The following CNIH3 variants were observed in gnomAD, a reference collection of about 807,000 sequenced individuals.
CNIH3 encodes the protein cornichon family AMPA receptor auxiliary protein 3.
In CNIH3, 14 loss-of-function variants were observed where a neutral mutation model predicts 24.1. The ratio of observed to expected loss-of-function variants is 0.58; its 90% confidence interval spans 0.38 to 0.91. The LOEUF (loss-of-function observed/expected upper bound fraction) is 0.91, where lower values mean the gene tolerates loss of function less well. CNIH3 is among the 40% of genes least tolerant of loss of function. CNIH3 has a pLI of 0.00. For missense variants in CNIH3, 178 were observed against 196.8 expected, an observed-to-expected ratio of 0.90 and a Z score of 0.57; for synonymous variants, 68 against 73.8, an observed-to-expected ratio of 0.92 and a Z score of 0.40.
intron 3 of CNIH3, among the ~76,000 whole-genome samples, chr1:224,706,992 C>T (rs1156472146): frequency 9.8e-6 from 1 of 101,810 alleles, no homozygotes; most frequent in Admixed American, 1.6e-4. Context: ...GAGACAGAGT[C>T]TTGCTCTGTC....
At chr1:224,719,778 A>G (rs1387568399) in intron 3 of CNIH3, among the ~76,000 whole-genome samples, 10 of 152,224 alleles carry the variant, frequency 6.6e-5, no homozygotes, top group Non-Finnish European at 1.5e-4. Flanking sequence ...TTAATCTACT[A>G]CTATTTTCAC....
At chr1:224,609,554 G>C (rs773204552) in intron 3 of CNIH3, among the ~76,000 whole-genome samples, 1 of 152,216 alleles carries the variant, frequency 6.6e-6, no homozygotes, top group Non-Finnish European at 1.5e-5. Flanking sequence ...ACAGGGCTTG[G>C]CTGGGAAGCA....
downstream of CNIH3, among the ~76,000 whole-genome samples, chr1:224,538,956 A>G (rs1485450320): frequency 4.7e-5 from 7 of 149,764 alleles, no homozygotes; most frequent in South Asian, 2.1e-4. Context: ...GCATAAGCCT[A>G]TTATGCCCAG....
chr1:224,567,488 C>T (rs1680627869), intron 4 of CNIH3, among the ~76,000 whole-genome samples: 1 of 152,186 alleles, frequency 6.6e-6, no homozygotes, highest in African/African-American at 2.4e-5. Flanking sequence ...AGAAGATACC[C>T]CAAGAGCAGG....
At chr1:224,601,737 A>T (rs1682219745) in intron 3 of CNIH3, among the ~76,000 whole-genome samples, 1 of 152,222 alleles carries the variant, frequency 6.6e-6, no homozygotes, top group Non-Finnish European at 1.5e-5. Flanking sequence ...TGTTTAAGCC[A>T]CCCAGTCTGT....
chr1:224,555,699 A>T (rs1444999539), intron 3 of CNIH3, among the ~76,000 whole-genome samples: 1 of 152,250 alleles, frequency 6.6e-6, no homozygotes, highest in Non-Finnish European at 1.5e-5. Flanking sequence ...GCATAACGTT[A>T]CTTTTGGTAG....
At chr1:224,634,434 T>C (rs1235019990) in intron 1 of CNIH3, among the ~76,000 whole-genome samples, 1 of 152,038 alleles carries the variant, frequency 6.6e-6, no homozygotes, top group Non-Finnish European at 1.5e-5. Flanking sequence ...CTGGGCATGG[T>C]GGCACGCGCC....
At chr1:224,504,009 G>C (rs1343186275) in intron 1 of CNIH3, among the ~76,000 whole-genome samples, 2 of 152,216 alleles carry the variant, frequency 1.3e-5, no homozygotes, top group Non-Finnish European at 2.9e-5. Flanking sequence ...GTTATTAGTG[G>C]AGTTAAATTA....
intron 3 of CNIH3, among the ~76,000 whole-genome samples, chr1:224,688,748 C>G (rs540318887): frequency 1.3e-5 from 2 of 152,050 alleles, no homozygotes; most frequent in Admixed American, 1.3e-4. Context: ...GGTGACCAGC[C>G]TGGCCAACAT....
chr1:224,459,012 G>GCT (rs1278420051), intron 1 of CNIH3, among the ~76,000 whole-genome samples: 1 of 152,218 alleles, frequency 6.6e-6, no homozygotes, highest in Admixed American at 6.5e-5. Context: ...CCAGTGATCA[G>GCT]CTCTCTTAGG....
chr1:224,443,689 A>G lies in CNIH3; in HGVS notation n.203+8827A>G, dbSNP rs2897103. On this transcript the variant is annotated intron_variant and non_coding_transcript_variant, in intron 1 of 5. Transcript: ENST00000471578. ...TAGATAGATAGATAGATAGATATCT[A>G]TAGATATAGATATATATATATATTT... Among the ~76,000 whole-genome samples, 197 of 108,542 alleles carry G rather than the reference A, an allele frequency of 1.8e-3. 2 individuals carry two copies. In the East Asian group the frequency reaches 0.028, roughly 15 times the overall value. The allele number at this position is 108,542 out of a possible 152,430, so 71.2% of individuals were successfully genotyped here.
downstream of CNIH3, among the ~76,000 whole-genome samples, chr1:224,538,724 A>G (rs1358917533): frequency 6.6e-6 from 1 of 150,582 alleles, no homozygotes; most frequent in Admixed American, 6.6e-5. Context: ...TAGTGGTGCA[A>G]TCAGAGCTCA....
At chr1:224,613,677 CGT>C (rs1311327791), upstream of CNIH3, among the ~76,000 whole-genome samples, 3 of 152,106 alleles carry the variant, frequency 2.0e-5, no homozygotes, top group African/African-American at 7.2e-5. Context: ...GTTATTTACA[CGT>C]GTGTGGCACT....
intron 1 of CNIH3, among the ~76,000 whole-genome samples, chr1:224,501,620 G>A (rs1030992278): frequency 2.7e-5 from 4 of 147,680 alleles, no homozygotes; most frequent in African/African-American, 5.0e-5. Context: ...TCGCTCTGTC[G>A]CCCAGGCTGG....
intron 3 of CNIH3, 48 bp from the exon 4 acceptor site, chr1:224,730,414 G>T: frequency 8.2e-7 from 1 of 1,215,456 alleles, no homozygotes; most frequent in South Asian, 1.3e-5. Flanking sequence ...AAGCAGGAGT[G>T]GCGTTTTCCT....
intron 1 of CNIH3, among the ~76,000 whole-genome samples, chr1:224,673,754 C>T (rs1340143686): frequency 6.6e-6 from 1 of 152,150 alleles, no homozygotes; most frequent in Non-Finnish European, 1.5e-5. Flanking sequence ...TTTCTCACTC[C>T]TGTCCTAGAG....
At chr1:224,639,383 G>A (rs1684247352) in intron 1 of CNIH3, among the ~76,000 whole-genome samples, 1 of 152,236 alleles carries the variant, frequency 6.6e-6, no homozygotes, top group Admixed American at 6.5e-5. Context: ...AGCCCTCTTA[G>A]GGGCCTGCGG....
chr1:224,505,262 G>C (rs200673550), intron 1 of CNIH3, among the ~76,000 whole-genome samples: 1 of 150,248 alleles, frequency 6.7e-6, no homozygotes, highest in Admixed American at 6.7e-5. Context: ...TCATGCCACT[G>C]CACTGTAGCC....
chr1:224,531,084 C>T (rs1227576156), intron 2 of CNIH3, among the ~76,000 whole-genome samples: 2 of 152,156 alleles, frequency 1.3e-5, no homozygotes, highest in Non-Finnish European at 2.9e-5. Context: ...CTCTTCCTAT[C>T]ATGTTGATTT....
Sources: gnomAD v4.1 joint callset for allele counts (sites outside exome capture counted in the v4.1 genomes callset) on GRCh38, gnomAD v4.1.1 for gene constraint, MANE v1.5 for transcripts, NCBI Gene and HGNC (gene_info 2026-07-23, HGNC 2026-07-21) for gene names.